KIAA0319L: variants seen among roughly 807,000 people sequenced by gnomAD.
The protein encoded by KIAA0319L is dyslexia-associated protein KIAA0319-like protein.
A neutral mutation model predicts 120.1 loss-of-function variants in KIAA0319L; 55 were observed. The observed-to-expected ratio is 0.46, with a 90% CI of 0.37 to 0.57. KIAA0319L has a LOEUF of 0.57. Among genes scored for constraint, KIAA0319L ranks in the 20% least tolerant of loss-of-function variants. The pLI is 0.00. For synonymous variants in KIAA0319L, 398 were observed against 471.9 expected, an observed-to-expected ratio of 0.84 and a Z score of 2.03; for missense variants, 1,049 against 1,255.3, an observed-to-expected ratio of 0.84 and a Z score of 2.48.
intron 7 of KIAA0319L, among the ~76,000 whole-genome samples, chr1:35,463,206 A>T (rs979469819): frequency 6.6e-6 from 1 of 152,172 alleles, no homozygotes; most frequent in African/African-American, 2.4e-5. Context: ...CACACAGGAG[A>T]GTCACAAGAC....
rs1281179622 is a variant in KIAA0319L, at chr1:35,437,355, C to T, written c.2963-2274G>A. 6.6e-6 allele frequency among the ~76,000 whole-genome samples: 1 copy of T among 152,138 alleles called. No individual in the cohort carries two copies. The highest frequency in any genetic ancestry group is 2.4e-5 in the African/African-American group (1 of 41,426). ...CCCTCCTTCCTCCTCAGTCAGGAAG[C>T]ACCTCTCCAACGCACCACTCCTCTA... is the stretch of plus-strand genomic sequence containing the variant. On this transcript the variant is annotated intron_variant, in intron 20 of 20. Transcript: ENST00000325722. The surrounding 1 kb of genome is among the most constrained non-coding windows in gnomAD (Gnocchi z 4.1).
At chr1:35,528,446 T>G (rs1258301098) in intron 2 of KIAA0319L, among the ~76,000 whole-genome samples, 2 of 152,218 alleles carry the variant, frequency 1.3e-5, no homozygotes, top group African/African-American at 4.8e-5. Flanking sequence ...AAGTTCCTCT[T>G]GTTATGGATT....
At chr1:35,470,032 C>CT (rs1414735508) in intron 6 of KIAA0319L, among the ~76,000 whole-genome samples, 2 of 152,014 alleles carry the variant, frequency 1.3e-5, no homozygotes, top group African/African-American at 4.8e-5. Context: ...CCACACCCAG[C>CT]TAATTTTTAA....
At chr1:35,464,822 C>G (rs1643140052) in intron 7 of KIAA0319L, among the ~76,000 whole-genome samples, 1 of 152,214 alleles carries the variant, frequency 6.6e-6, no homozygotes, top group Non-Finnish European at 1.5e-5. Context: ...TGGTGCCCTG[C>G]ATCCCAGCTG....
chr1:35,471,200 A>G (rs1404687604), intron 5 of KIAA0319L, among the ~76,000 whole-genome samples: 6 of 152,146 alleles, frequency 3.9e-5, no homozygotes, highest in African/African-American at 1.4e-4. Flanking sequence ...CCTGCCCTAT[A>G]CCGACCCTCT....
chr1:35,541,751 C>T (rs1230746860), intron 2 of KIAA0319L, among the ~76,000 whole-genome samples: 2 of 152,156 alleles, frequency 1.3e-5, no homozygotes, highest in Non-Finnish European at 2.9e-5. Context: ...TACCACAAGG[C>T]CTTGCCAAGC....
chr1:35,509,751 GT>G (rs1425426737), intron 2 of KIAA0319L: 3 of 154,634 alleles, frequency 1.9e-5, no homozygotes, highest in African/African-American at 7.2e-5. Context: ...GGATGTGGCT[GT>G]GGCCTGCACC....
chr1:35,445,413 A>G (rs557554303), intron 16 of KIAA0319L, among the ~76,000 whole-genome samples: 1 of 152,294 alleles, frequency 6.6e-6, no homozygotes, highest in East Asian at 1.9e-4. Context: ...TTCGGTCTAT[A>G]TATCAATAAC....
intron 2 of KIAA0319L, among the ~76,000 whole-genome samples, chr1:35,522,623 T>G (rs1031580671): frequency 8.5e-5 from 13 of 152,172 alleles, no homozygotes; most frequent in African/African-American, 3.1e-4. Flanking sequence ...CCGTATTATT[T>G]TCTTTTGAAA....
Position 35,450,468 on chromosome 1 carries a change from C to T in KIAA0319L, c.2104G>A (p.Val702Met), listed in dbSNP as rs762146389. 3 of 1,614,008 alleles carry T rather than the reference C, an allele frequency of 1.9e-6. No homozygotes were observed. Among genetic ancestry groups the T allele is most frequent in the Non-Finnish European group, 2.5e-6 (3 of 1,179,874 alleles). The change falls in exon 14 of 21, where the codon GTG (valine) becomes ATG (methionine). Residue 702 changes from valine (V) to methionine (M), a missense_variant. Physicochemically the swap from Val to Met is conservative, Grantham distance 21. Transcript: ENST00000325722. ...GCTGTGCTCGTGGGTAGGGTAATCA[C>T]CACATTCCCAGTTATCTTGGCTATA... The part of the protein sequence containing the change: ...PPIAKITGNV[V>M]ITLPTSTAEL...
In KIAA0319L at chr1:35,456,188, G is replaced by C. The variant is rs533008139; in HGVS notation, c.1481C>G (p.Thr494Arg). Residue 494 changes from threonine (T) to arginine (R), a missense_variant, in exon 10 of 21, where the codon ACA (threonine) becomes AGA (arginine). By Grantham distance (71) the Thr-to-Arg change is moderately conservative. Coordinates refer to ENST00000325722, the MANE Select transcript of KIAA0319L (RefSeq NM_024874.5). ...GGGGTAATCCACAGCTTTGTTCACT[G>C]TCAGGTTTGCAGTAGTAGAGTTGGT... ...GATNSTTANLTVNKAVDYPPV... is the reference protein window; with the variant it reads ...GATNSTTANLRVNKAVDYPPV... The C allele has an allele frequency of 8.1e-6, 13 of 1,612,034 alleles. No homozygotes were observed. The East Asian group carries it at 8.9e-5, about 11-fold the overall frequency.
intron 2 of KIAA0319L, among the ~76,000 whole-genome samples, chr1:35,524,596 T>G (rs1646048179): frequency 6.6e-6 from 1 of 152,216 alleles, no homozygotes; most frequent in Non-Finnish European, 1.5e-5. Flanking sequence ...AACTTAGTAC[T>G]GGGTGAGATC....
intron 7 of KIAA0319L, 145 bp from the exon 8 acceptor site, chr1:35,462,858 C>T: frequency 2.1e-6 from 1 of 475,060 alleles, no homozygotes; most frequent in East Asian, 4.6e-5. Context: ...TTGTGGAAGA[C>T]AATTTTTCCA....
intron 2 of KIAA0319L, among the ~76,000 whole-genome samples, chr1:35,507,344 C>T (rs1645244211): frequency 6.6e-6 from 1 of 152,160 alleles, no homozygotes; most frequent in Non-Finnish European, 1.5e-5. Flanking sequence ...GCTCCACATT[C>T]ATTAATTGTT....
At chr1:35,438,808 A>G (rs1281927049) in intron 20 of KIAA0319L, 1 of 152,194 alleles carries the variant, frequency 6.6e-6, no homozygotes, top group African/African-American at 2.4e-5. Context: ...CCTAGGCAAC[A>G]TGATGAAACC....
intron 2 of KIAA0319L, among the ~76,000 whole-genome samples, chr1:35,507,394 C>T (rs757640927): frequency 7.2e-5 from 11 of 152,060 alleles, no homozygotes; most frequent in Non-Finnish European, 1.5e-4. Context: ...ACCTTTTACA[C>T]AGAATGTCAC....
At chr1:35,447,021 G>C (rs1296198090) in intron 16 of KIAA0319L, among the ~76,000 whole-genome samples, 1 of 151,984 alleles carries the variant, frequency 6.6e-6, no homozygotes. Context: ...CAAACCAAAA[G>C]CCTCACATTT....
chr1:35,522,648 A>T (rs1201881572), intron 2 of KIAA0319L, among the ~76,000 whole-genome samples: 1 of 152,162 alleles, frequency 6.6e-6, no homozygotes, highest in Non-Finnish European at 1.5e-5. Flanking sequence ...AGTTTTAAAA[A>T]TTTAAACAAA....
intron 4 of KIAA0319L, among the ~76,000 whole-genome samples, chr1:35,478,283 GA>G (rs1260249036): frequency 1.4e-5 from 2 of 146,232 alleles, no homozygotes; most frequent in East Asian, 2.1e-4. Context: ...GGGTAAGAGG[GA>G]GGGGGGGATG....
Sources: gnomAD v4.1 joint callset for allele counts (sites outside exome capture counted in the v4.1 genomes callset) on GRCh38, gnomAD v4.1.1 for gene constraint, Gnocchi (gnomAD v3.1) non-coding constraint, MANE v1.5 for transcripts, NCBI Gene and HGNC (gene_info 2026-07-23, HGNC 2026-07-21) for gene names.